RNF103: variants seen among roughly 807,000 people sequenced by gnomAD.
The protein encoded by RNF103 is E3 ubiquitin-protein ligase RNF103.
A neutral mutation model predicts 66.2 loss-of-function variants in RNF103; 23 were observed. The ratio of observed to expected loss-of-function variants is 0.35; its 90% CI spans 0.25 to 0.49. The LOEUF is 0.49. RNF103 is among the 20% of genes least tolerant of loss of function. The pLI is 0.98. For missense variants in RNF103, 730 were observed against 814.7 expected (o/e 0.90, Z 1.27); for synonymous variants, 297 against 289.9 (o/e 1.02, Z -0.25).
In RNF103 at chr2:86,623,291, A is replaced by C. The variant is rs1679305932; in HGVS notation, c.-405T>G. The C allele has an allele frequency of 4.0e-6, 4 of 991,690 alleles. No homozygotes were observed. In the African/African-American group the frequency reaches 7.0e-5, roughly 17 times the overall value. The allele number at this position is 991,690 out of a possible 1,614,324, so 61.4% of individuals were successfully genotyped here. ...TCGGCCCTCCGGTGCCGCGATCTCA[A>C]GGGGGAGGGGGAGACCAAAAAATAA... On this transcript the variant is annotated 5_prime_UTR_variant, in exon 1 of 4. Coordinates refer to ENST00000237455, the MANE Select transcript of RNF103 (RefSeq NM_005667.4).
rs1678756981 is a variant in RNF103, at chr2:86,610,738, T to A, written c.482+1421A>T. ...TATGAATACTGACTTTTGGCATAAC[T>A]AAAAAAATCAAAATATCAGCATTAT... On this transcript the variant is annotated intron_variant, in intron 3 of 3. Coordinates refer to ENST00000237455, the MANE Select transcript of RNF103 (RefSeq NM_005667.4). 2.6e-5 allele frequency among the ~76,000 whole-genome samples: 4 copies of A among 152,184 alleles called. No homozygotes were observed. In the South Asian group the frequency reaches 6.2e-4, roughly 24 times the overall value.
Position 86,606,050 on chromosome 2 carries a change from C to T in RNF103, c.483-632G>A, listed in dbSNP as rs115317305. Among the ~76,000 whole-genome samples the T allele has an allele frequency of 1.7e-3, 260 of 152,228 alleles. 1 individual carries two copies. The highest frequency in any genetic ancestry group is 5.9e-3 in the African/African-American group (243 of 41,534). On this transcript the variant is annotated intron_variant, in intron 3 of 3. Coordinates refer to ENST00000237455, the MANE Select transcript of RNF103 (RefSeq NM_005667.4). The stretch of plus-strand genomic sequence containing the variant: ...ACAAAGTAATCTGCACAAAAGCCAA[C>T]CAAGAAAAGAGCAACAGCAAGCCCC...
At chr2:86,615,245 C>T in intron 2 of RNF103, 1 of 985,266 alleles carries the variant, frequency 1.0e-6, no homozygotes, top group Non-Finnish European at 1.2e-6. Context: ...TTAAGGATCC[C>T]TGACTGACAG....
At chr2:86,621,456 A>G (rs928934751) in intron 1 of RNF103, among the ~76,000 whole-genome samples, 1 of 152,224 alleles carries the variant, frequency 6.6e-6, no homozygotes, top group East Asian at 1.9e-4. Flanking sequence ...CTATGGTAGA[A>G]ATAAGAATCG....
intron 1 of RNF103, 116 bp downstream of exon 1, chr2:86,622,545 G>A: frequency 1.0e-6 from 1 of 962,272 alleles, no homozygotes; most frequent in East Asian, 2.4e-5. Context: ...AAGAAACCTG[G>A]GCAGCTTTAA....
At position 86,604,306 on chromosome 2, in the gene RNF103, G is replaced by A. The variant is rs1394177927; in HGVS notation, c.1595C>T (p.Ser532Phe). Residue 532 changes from serine to phenylalanine, a missense_variant, in exon 4 of 4, where the codon TCT becomes TTT. By Grantham distance (155) the Ser-to-Phe change is radical. Transcript: ENST00000237455. ...VQSEEEMSEG[S>F]QDTENDSESE... ...TTCCGAGTCATTTTCAGTATCTTGA[G>A]ACCCCTCCGACATTTCCTCTTCAGA... 1.2e-6 allele frequency: 2 copies of A among 1,614,048 alleles called. No individual in the cohort carries two copies. Among genetic ancestry groups the A allele is most frequent in the Admixed American group, 1.7e-5 (1 of 60,004 alleles).
intron 2 of RNF103, chr2:86,613,455 C>G (rs540709812): frequency 6.6e-6 from 1 of 152,176 alleles, no homozygotes; most frequent in Non-Finnish European, 1.5e-5. Context: ...CTAAAGTCAT[C>G]ATGAAACCAT....
intron 2 of RNF103, among the ~76,000 whole-genome samples, chr2:86,619,009 C>G (rs745625671): frequency 1.1e-4 from 17 of 152,068 alleles, no homozygotes; most frequent in Admixed American, 2.0e-4. Flanking sequence ...AGGACAAATG[C>G]AATAGGAAGG....
At chr2:86,613,618 T>C (rs1383645297) in intron 2 of RNF103, 3 of 152,236 alleles carry the variant, frequency 2.0e-5, no homozygotes, top group African/African-American at 7.2e-5. Flanking sequence ...CTCCAGGAAG[T>C]GAAGTTGCAG....
At chr2:86,620,587 T>A (rs927833321) in intron 1 of RNF103, 118 bp from the exon 2 acceptor site, 1 of 1,288,392 alleles carries the variant, frequency 7.8e-7, no homozygotes, top group Admixed American at 3.0e-5. Flanking sequence ...TTGTATTTTA[T>A]AGACAAGAAC....
intron 3 of RNF103, among the ~76,000 whole-genome samples, chr2:86,609,297 C>T (rs904114148): frequency 2.6e-5 from 4 of 152,090 alleles, no homozygotes; most frequent in African/African-American, 4.8e-5. Context: ...AGAAGCTGAG[C>T]AGATGCTGGC....
At chr2:86,620,668 G>C (rs1186007181) in intron 1 of RNF103, among the ~76,000 whole-genome samples, 199 bp from the exon 2 acceptor site, 1 of 152,128 alleles carries the variant, frequency 6.6e-6, no homozygotes, top group Non-Finnish European at 1.5e-5. Flanking sequence ...AACTTCCTAT[G>C]CATCAGGGAA....
intron 3 of RNF103, among the ~76,000 whole-genome samples, chr2:86,611,362 A>G (rs1033699235): frequency 2.6e-5 from 4 of 152,156 alleles, no homozygotes; most frequent in Admixed American, 6.5e-5. Context: ...AAGGGTTCTA[A>G]GCAGAAGAGA....
chr2:86,604,315 G>A lies in RNF103; in HGVS notation c.1586C>T (p.Ser529Leu), dbSNP rs568049987. ...CLGVQSEEEM[S>L]EGSQDTENDS... is the part of the protein sequence containing the mutation. ...ATTTTCAGTATCTTGAGACCCCTCC[G>A]ACATTTCCTCTTCAGACTGGACTCC... Residue 529 changes from serine to leucine, a missense_variant, in exon 4 of 4, where the codon TCG becomes TTG. Around this residue, in one of 3 missense-constraint regions of RNF103, gnomAD observed 355 missense variants for 351.9 expected, o/e 1.01. Transcript: ENST00000237455. 1.4e-5 allele frequency: 22 copies of A among 1,614,028 alleles called. No individual in the cohort carries two copies. Among genetic ancestry groups the A allele is most frequent in the African/African-American group, 5.3e-5 (4 of 74,904 alleles).
intron 1 of RNF103, 29 bp downstream of exon 1, chr2:86,622,632 G>A (rs1558689971): frequency 1.2e-6 from 2 of 1,611,124 alleles, no homozygotes; most frequent in Non-Finnish European, 1.7e-6. Context: ...CCCAGGTGGA[G>A]GGGACCCTAG....
chr2:86,620,222 G>T, intron 2 of RNF103, 108 bp downstream of exon 2: 1 of 1,316,256 alleles, frequency 7.6e-7, no homozygotes, highest in African/African-American at 1.5e-5. Flanking sequence ...TTATGTGTGA[G>T]AAACAAGACA....
At chr2:86,621,582 T>C (rs1349715238) in intron 1 of RNF103, among the ~76,000 whole-genome samples, 1 of 152,202 alleles carries the variant, frequency 6.6e-6, no homozygotes, top group Non-Finnish European at 1.5e-5. Flanking sequence ...AATAGTGAGA[T>C]ATGAGTTTTA....
At position 86,612,030 on chromosome 2, in the gene RNF103, T is replaced by G. The variant is rs4832044; in HGVS notation, c.482+129A>C. On this transcript the variant is annotated intron_variant, in intron 3 of 3. Transcript: ENST00000237455. The stretch of plus-strand genomic sequence containing the variant: ...TCAAAAACCATTAATCAAGCACCTA[T>G]GTAACTAAGAGTGTGCTACACATTA... 5.9e-3 allele frequency: 3,118 copies of G among 529,308 alleles called. 144 individuals are homozygous for G. The Admixed American group carries it at 0.089, about 15-fold the overall frequency. 32.8% of individuals were successfully genotyped at this position (529,308 alleles called of 1,614,324 possible). A position where few individuals can be genotyped will look rare whatever the true frequency, so the allele number is the denominator to read the frequency against.
chr2:86,622,360 T>C (rs1188644933), intron 1 of RNF103, among the ~76,000 whole-genome samples: 1 of 152,248 alleles, frequency 6.6e-6, no homozygotes, highest in Non-Finnish European at 1.5e-5. Context: ...TTGTAACTAG[T>C]TGATATTCCA....
Sources: gnomAD v4.1 joint callset for allele counts (sites outside exome capture counted in the v4.1 genomes callset) on GRCh38, gnomAD v4.1.1 for gene constraint, gnomAD v4.1.1 regional missense constraint, MANE v1.5 for transcripts, NCBI Gene and HGNC (gene_info 2026-07-23, HGNC 2026-07-21) for gene names.